PLXDC2: variants seen among roughly 807,000 people sequenced by gnomAD.
PLXDC2 encodes the protein plexin domain containing 2.
A neutral mutation model predicts 68.9 loss-of-function variants in PLXDC2; 40 were observed. The observed-to-expected ratio is 0.58, with a 90% confidence interval of 0.45 to 0.76. The LOEUF (loss-of-function observed/expected upper bound fraction) is 0.76, where lower values mean the gene tolerates loss of function less well. Among genes scored for constraint, PLXDC2 ranks in the 30% least tolerant of loss-of-function variants. The pLI, the probability that PLXDC2 is intolerant of heterozygous loss-of-function variation, is 0.00. For missense variants in PLXDC2, 644 were observed against 661.9 expected (o/e 0.97, Z 0.30); for synonymous variants, 243 against 234.2 (o/e 1.04, Z -0.34).
rs1471187114 is a variant in PLXDC2 at position 20,041,741 on chromosome 10, G to A, written c.325-5128G>A. On this transcript the variant is annotated intron_variant, in intron 2 of 13. Transcript: ENST00000377252. ...AGAAATACTTTTTCTCCCAGTTCTGGCAGGTAGAGGTCTCAAATCAAAGTG... is the reference window on the plus strand; with the variant it reads ...AGAAATACTTTTTCTCCCAGTTCTGACAGGTAGAGGTCTCAAATCAAAGTG... Among the ~76,000 whole-genome samples, 3 of 152,184 alleles carry A rather than the reference G, an allele frequency of 2.0e-5. No homozygotes were observed. The East Asian group carries it at 5.8e-4, about 30-fold the overall frequency.
intron 1 of PLXDC2, among the ~76,000 whole-genome samples, chr10:19,855,471 C>A (rs1837194929): frequency 6.6e-6 from 1 of 152,110 alleles, no homozygotes; most frequent in African/African-American, 2.4e-5. Flanking sequence ...ACCTTCACTT[C>A]TTCTTTTGTA....
intron 1 of PLXDC2, among the ~76,000 whole-genome samples, chr10:19,959,986 T>C (rs1383510663): frequency 6.6e-6 from 1 of 152,056 alleles, no homozygotes; most frequent in Non-Finnish European, 1.5e-5. Flanking sequence ...TTTGAGTCCC[T>C]CCCCAATCAC....
intron 13 of PLXDC2, among the ~76,000 whole-genome samples, chr10:20,248,502 A>G (rs885284): frequency 0.46 from 70,254 of 152,014 alleles, 17,783 homozygotes; most frequent in Middle Eastern, 0.62. Context: ...TTTCACATGT[A>G]AGTGAAGCAG....
chr10:19,913,297 C>T (rs1221002421), intron 1 of PLXDC2, among the ~76,000 whole-genome samples: 2 of 152,080 alleles, frequency 1.3e-5, no homozygotes, highest in Admixed American at 6.6e-5. Context: ...TGTAGCACCT[C>T]CCCTTTCTCT....
At chr10:19,939,641 TC>T (rs1192308556) in intron 1 of PLXDC2, among the ~76,000 whole-genome samples, 2 of 152,186 alleles carry the variant, frequency 1.3e-5, no homozygotes, top group Non-Finnish European at 2.9e-5. Flanking sequence ...TTTTCCCTCT[TC>T]CTTTTTCTCC....
At chr10:20,200,330 T>A (rs1339328170) in intron 9 of PLXDC2, among the ~76,000 whole-genome samples, 2 of 151,974 alleles carry the variant, frequency 1.3e-5, no homozygotes, top group African/African-American at 4.8e-5. Flanking sequence ...ACATTTAACC[T>A]CACGAGTAAT....
At chr10:20,196,775 C>T (rs1242700592) in intron 9 of PLXDC2, among the ~76,000 whole-genome samples, 2 of 152,114 alleles carry the variant, frequency 1.3e-5, no homozygotes, top group African/African-American at 4.8e-5. Flanking sequence ...TTGTTGAACA[C>T]GGTTCATGTC....
intron 1 of PLXDC2, among the ~76,000 whole-genome samples, chr10:19,974,651 G>A (rs1400426832): frequency 6.6e-6 from 1 of 152,182 alleles, no homozygotes; most frequent in African/African-American, 2.4e-5. Context: ...CTCACAGTTA[G>A]CTGTAAATGC....
intron 1 of PLXDC2, among the ~76,000 whole-genome samples, chr10:19,925,806 G>A (rs958636685): frequency 2.6e-5 from 4 of 152,204 alleles, no homozygotes; most frequent in African/African-American, 9.6e-5. Flanking sequence ...CAATACTTAG[G>A]TGAGGAATAG....
intron 1 of PLXDC2, among the ~76,000 whole-genome samples, chr10:19,896,473 AG>A: frequency 6.6e-6 from 1 of 152,364 alleles, no homozygotes; most frequent in Middle Eastern, 3.4e-3. Context: ...TGAAGGAATG[AG>A]TATAAAGTAC....
chr10:19,911,397 A>G (rs919262953), intron 1 of PLXDC2, among the ~76,000 whole-genome samples: 3 of 152,114 alleles, frequency 2.0e-5, no homozygotes, highest in African/African-American at 7.3e-5. Context: ...CTCTAGCATA[A>G]TTTTAAATAA....
In PLXDC2 at chr10:20,271,075, C is replaced by T. The variant is rs565822876; in HGVS notation, c.1474-8628C>T. The stretch of plus-strand genomic sequence containing the variant: ...GTCTTGTCAACACGAAACCTTAGGA[C>T]GTGTTGACAGTTAATGTTGATGAAT... On this transcript the variant is annotated intron_variant, in intron 13 of 13. Coordinates refer to ENST00000377252, the MANE Select transcript of PLXDC2 (RefSeq NM_032812.9). Among the ~76,000 whole-genome samples the T allele has an allele frequency of 8.0e-5, 12 of 150,920 alleles. No homozygotes were observed. In the South Asian group the frequency reaches 1.7e-3, roughly 21 times the overall value.
At chr10:20,116,369 T>C (rs2461940) in intron 4 of PLXDC2, among the ~76,000 whole-genome samples, 54,433 of 152,126 alleles carry the variant, frequency 0.36, 11,263 homozygotes, top group Non-Finnish European at 0.48. Flanking sequence ...TACTTATCTG[T>C]TCTCGGGTTG....
intron 9 of PLXDC2, among the ~76,000 whole-genome samples, chr10:20,194,222 G>A (rs1315438257): frequency 7.2e-6 from 1 of 139,258 alleles, no homozygotes; most frequent in Non-Finnish European, 1.6e-5. Context: ...GTGTGTGTGT[G>A]TGTGTGTAGT....
At chr10:19,818,620 T>C (rs1438701502) in intron 1 of PLXDC2, among the ~76,000 whole-genome samples, 1 of 152,214 alleles carries the variant, frequency 6.6e-6, no homozygotes, top group African/African-American at 2.4e-5. Flanking sequence ...GACTTGTCTT[T>C]GTCACATTTA....
At chr10:20,272,104 A>G (rs551548082) in intron 13 of PLXDC2, among the ~76,000 whole-genome samples, 1 of 152,260 alleles carries the variant, frequency 6.6e-6, no homozygotes, top group East Asian at 1.9e-4. Flanking sequence ...AGAGGGCTAC[A>G]GGGGAAGGGC....
intron 9 of PLXDC2, among the ~76,000 whole-genome samples, chr10:20,210,377 A>G (rs1313925829): frequency 1.3e-5 from 2 of 152,148 alleles, no homozygotes; most frequent in African/African-American, 4.8e-5. Context: ...TTAACCATGG[A>G]TAACTGAAAC....
chr10:20,236,942 T>C (rs1465979966), intron 12 of PLXDC2, among the ~76,000 whole-genome samples: 1 of 152,078 alleles, frequency 6.6e-6, no homozygotes, highest in East Asian at 1.9e-4. Context: ...TATTATTTCA[T>C]AGAAATTTTA....
chr10:20,218,974 G>T, intron 11 of PLXDC2, 90 bp from the exon 12 acceptor site: 1 of 1,395,356 alleles, frequency 7.2e-7, no homozygotes, highest in Non-Finnish European at 9.9e-7. Context: ...TTCCGACCAA[G>T]GCAGTTAGTA....
Sources: allele counts gnomAD v4.1 joint callset (sites outside exome capture counted in the v4.1 genomes callset), GRCh38; gene constraint gnomAD v4.1.1; transcripts MANE v1.5; gene names NCBI Gene and HGNC (gene_info 2026-07-23, HGNC 2026-07-21).